The following BPNT2 variants were observed in gnomAD, a reference collection of about 807,000 sequenced individuals.
The protein encoded by BPNT2 is Golgi-resident adenosine 3',5'-bisphosphate 3'-phosphatase.
Under a neutral mutation model 29.3 loss-of-function variants are expected in BPNT2, and 11 were observed. The ratio of observed to expected loss-of-function variants is 0.38; its 90% CI spans 0.24 to 0.62. BPNT2 has a LOEUF of 0.62. Ranked by LOEUF, BPNT2 falls within the 20% of genes least tolerant of loss-of-function variation. The probability of loss-of-function intolerance (pLI) is 0.62; values close to 1 mark genes in which losing one functional copy is unlikely to be tolerated. For missense variants in BPNT2, 459 were observed against 473.4 expected (o/e 0.97, Z 0.28); for synonymous variants, 195 against 187.7 (o/e 1.04, Z -0.32).
At chr8:56,987,613 G>C (rs865948269) in intron 1 of BPNT2, among the ~76,000 whole-genome samples, 1 of 152,094 alleles carries the variant, frequency 6.6e-6, no homozygotes, top group Non-Finnish European at 1.5e-5. Flanking sequence ...CCAGCTGACA[G>C]ATCAAGGGAC....
At chr8:56,983,186 A>G (rs910137489) in intron 1 of BPNT2, among the ~76,000 whole-genome samples, 12 of 152,212 alleles carry the variant, frequency 7.9e-5, no homozygotes, top group African/African-American at 2.9e-4. Flanking sequence ...TCTAAAAATT[A>G]CTGAATTGTA....
At chr8:56,984,805 T>C (rs1806302973) in intron 1 of BPNT2, among the ~76,000 whole-genome samples, 1 of 152,086 alleles carries the variant, frequency 6.6e-6, no homozygotes, top group African/African-American at 2.4e-5. Context: ...CCAGACTCCT[T>C]ATCATAATCT....
At chr8:56,989,148 T>C (rs1394481979) in intron 1 of BPNT2, among the ~76,000 whole-genome samples, 2 of 152,160 alleles carry the variant, frequency 1.3e-5, no homozygotes, top group African/African-American at 4.8e-5. Flanking sequence ...GATGATTCTC[T>C]GACCATTATG....
Position 56,993,798 on chromosome 8 carries a change from A to T in BPNT2, c.-213T>A. On this transcript the variant is annotated 5_prime_UTR_variant, in exon 1 of 5. Coordinates refer to ENST00000262644, the MANE Select transcript of BPNT2 (RefSeq NM_017813.5). The stretch of plus-strand genomic sequence containing the variant: ...CGCCGCCCCGCGCGCCTGACTCGCC[A>T]GGCAGCGCGCTCTAGGTTCTTCCGC... 1 of 548,130 alleles carries T rather than the reference A, an allele frequency of 1.8e-6. No individual in the cohort carries two copies. The highest frequency in any genetic ancestry group is 2.3e-6 in the Non-Finnish European group (1 of 428,102). The allele number at this position is 548,130 out of a possible 1,614,324, so 34.0% of individuals were successfully genotyped here.
In BPNT2 at chr8:56,993,734, C is replaced by A. The variant is rs1273083022; in HGVS notation, c.-149G>T. 2.1e-6 allele frequency: 2 copies of A among 970,550 alleles called. No individual in the cohort carries two copies. Among genetic ancestry groups the A allele is most frequent in the Admixed American group, 5.9e-5 (1 of 16,962 alleles). The allele number at this position is 970,550 out of a possible 1,614,324, so 60.1% of individuals were successfully genotyped here. On this transcript the variant is annotated 5_prime_UTR_variant, in exon 1 of 5. In the 5' UTR this introduces an upstream ATG that the reference lacks. Coordinates refer to ENST00000262644, the MANE Select transcript of BPNT2 (RefSeq NM_017813.5). ...CGGCCCCGGTGCGCCCCATCACTCC[C>A]TCCCAGGAAAGGCCGAGTTGCGCCG... is the stretch of plus-strand genomic sequence containing the variant.
rs1353217115 is a variant in BPNT2 at position 56,961,375 on chromosome 8, C to A, written c.*2418G>T. The A allele has an allele frequency of 1.3e-5, 2 of 151,944 alleles. No individual in the cohort carries two copies. Among genetic ancestry groups the A allele is most frequent in the African/African-American group, 4.8e-5 (2 of 41,340 alleles). 9.4% of individuals were successfully genotyped at this position (151,944 alleles called of 1,614,324 possible). On this transcript the variant is annotated 3_prime_UTR_variant, in exon 5 of 5. Coordinates refer to ENST00000262644, the MANE Select transcript of BPNT2 (RefSeq NM_017813.5). ...ATAAATACTGTTCCTAATTCTGCAACGTATATTGGCTTTTAAAAACAAACA... is the reference window on the plus strand; with the variant it reads ...ATAAATACTGTTCCTAATTCTGCAAAGTATATTGGCTTTTAAAAACAAACA...
At chr8:56,985,470 C>A (rs1343211363) in intron 1 of BPNT2, among the ~76,000 whole-genome samples, 2 of 152,136 alleles carry the variant, frequency 1.3e-5, no homozygotes, top group Admixed American at 6.5e-5. Context: ...CTGCCCCCTC[C>A]CGACACCCAG....
chr8:56,970,036 T>C (rs1353018324), intron 3 of BPNT2, among the ~76,000 whole-genome samples: 2 of 152,188 alleles, frequency 1.3e-5, no homozygotes, highest in Non-Finnish European at 2.9e-5. Context: ...TTCATGCTAA[T>C]ATATGTAGAA....
At chr8:56,966,110 G>T in intron 4 of BPNT2, 81 bp downstream of exon 4, 1 of 1,484,226 alleles carries the variant, frequency 6.7e-7, no homozygotes, top group Non-Finnish European at 9.4e-7. Context: ...TCCCAAGCAT[G>T]GACAAGCAAA....
chr8:56,969,460 A>G (rs759670487), intron 3 of BPNT2, among the ~76,000 whole-genome samples: 1 of 152,168 alleles, frequency 6.6e-6, no homozygotes, highest in Non-Finnish European at 1.5e-5. Context: ...TTAAGGGGAA[A>G]CCAAAGATGG....
intron 1 of BPNT2, among the ~76,000 whole-genome samples, chr8:56,986,297 G>T (rs1806325946): frequency 6.6e-6 from 1 of 152,150 alleles, no homozygotes; most frequent in African/African-American, 2.4e-5. Context: ...TGGGAGGTAG[G>T]GGAAATAGGA....
chr8:56,988,642 C>T (rs1295483809), intron 1 of BPNT2, among the ~76,000 whole-genome samples: 1 of 152,186 alleles, frequency 6.6e-6, no homozygotes, highest in Non-Finnish European at 1.5e-5. Context: ...CTGTCCACAA[C>T]CAGTTTCAAT....
At chr8:56,974,275 T>C (rs187546309) in intron 3 of BPNT2, among the ~76,000 whole-genome samples, 1 of 152,288 alleles carries the variant, frequency 6.6e-6, no homozygotes, top group Admixed American at 6.5e-5. Context: ...TTTTCAACAA[T>C]CAGTGCCCCA....
At chr8:56,991,180 T>C (rs1007344081) in intron 1 of BPNT2, among the ~76,000 whole-genome samples, 1 of 152,332 alleles carries the variant, frequency 6.6e-6, no homozygotes, top group Non-Finnish European at 1.5e-5. Flanking sequence ...TCGCTCAACA[T>C]GACACCATCC....
rs924582800 is a variant in BPNT2 at position 56,960,629 on chromosome 8, T to A, written c.*3164A>T. ...CAAACATGACCATCTTGTAGGTCCT[T>A]GTAAATTCAACTGAACTGGGGATAC... On this transcript the variant is annotated 3_prime_UTR_variant, in exon 5 of 5. Transcript: ENST00000262644. 6.6e-6 allele frequency: 1 copy of A among 152,330 alleles called. No individual in the cohort carries two copies. Among genetic ancestry groups the A allele is most frequent in the East Asian group, 1.9e-4 (1 of 5,192 alleles). The allele number at this position is 152,330 out of a possible 1,614,324, so 9.4% of individuals were successfully genotyped here. A position where few individuals can be genotyped will look rare whatever the true frequency, so the allele number is the denominator to read the frequency against.
At chr8:56,987,528 TCTC>T (rs1806346269) in intron 1 of BPNT2, among the ~76,000 whole-genome samples, 2 of 152,044 alleles carry the variant, frequency 1.3e-5, no homozygotes, top group Non-Finnish European at 1.5e-5. Flanking sequence ...CACCACCAGC[TCTC>T]CTGGTTCTCA....
Position 56,993,662 on chromosome 8 carries a change from C to A in BPNT2, c.-77G>T. 8.7e-7 allele frequency: 1 copy of A among 1,154,486 alleles called. No individual in the cohort carries two copies. Among genetic ancestry groups the A allele is most frequent in the Non-Finnish European group, 1.1e-6 (1 of 939,522 alleles). The allele number at this position is 1,154,486 out of a possible 1,614,324, so 71.5% of individuals were successfully genotyped here. On this transcript the variant is annotated 5_prime_UTR_variant, in exon 1 of 5. Transcript: ENST00000262644. ...CCGCCGCCGCCGCCGCCGCAGCCGC[C>A]GCGCTCCGGGCCAGGCGCCGCGCGG... is the stretch of plus-strand genomic sequence containing the variant.
At chr8:56,967,940 C>A (rs1805976730) in intron 3 of BPNT2, among the ~76,000 whole-genome samples, 1 of 152,084 alleles carries the variant, frequency 6.6e-6, no homozygotes, top group Admixed American at 6.6e-5. Context: ...ACCAACCTTC[C>A]ATTAATCCCA....
chr8:56,985,726 T>C (rs1806317316), intron 1 of BPNT2, among the ~76,000 whole-genome samples: 1 of 152,196 alleles, frequency 6.6e-6, no homozygotes, highest in South Asian at 2.1e-4. Flanking sequence ...TTAGGTTAAC[T>C]TGCCTTCTGT....
Sources: gnomAD v4.1 joint callset for allele counts (sites outside exome capture counted in the v4.1 genomes callset) on GRCh38, gnomAD v4.1.1 for gene constraint, MANE v1.5 for transcripts, NCBI Gene and HGNC (gene_info 2026-07-23, HGNC 2026-07-21) for gene names.